CHD1L: variants seen among roughly 807,000 people sequenced by gnomAD.
The protein encoded by CHD1L is chromodomain helicase DNA binding protein 1 like.
Under a neutral mutation model 115.9 loss-of-function variants are expected in CHD1L, and 118 were observed. The ratio of observed to expected loss-of-function variants is 1.02; its 90% CI spans 0.88 to 1.19. The LOEUF is 1.19. Among genes scored for constraint, CHD1L ranks in the 50% most tolerant of loss-of-function variants. The pLI, the probability that CHD1L is intolerant of heterozygous loss-of-function variation, is 0.00. For synonymous variants in CHD1L, 411 were observed against 387.1 expected, an observed-to-expected ratio of 1.06 and a Z score of -0.72; for missense variants, 1,179 against 1,065.3, an observed-to-expected ratio of 1.11 and a Z score of -1.49.
intron 12 of CHD1L, among the ~76,000 whole-genome samples, chr1:147,274,546 T>C (rs1342601338): frequency 6.6e-6 from 1 of 152,178 alleles, no homozygotes; most frequent in Non-Finnish European, 1.5e-5. Context: ...CTAACGACCC[T>C]GGCAAGAGGG....
At chr1:147,212,724 C>T in the CHD1L span, among the ~76,000 whole-genome samples, 1 of 152,000 alleles carries the variant, frequency 6.6e-6, no homozygotes, top group Non-Finnish European at 1.5e-5. Flanking sequence ...AGAGTAGTAC[C>T]TTGTGATTTC....
chr1:147,190,396 A>T, the CHD1L span: 28 of 563,520 alleles, frequency 5.0e-5, no homozygotes, highest in Non-Finnish European at 7.8e-5. Flanking sequence ...TGATCACCTT[A>T]CCACCACCAC....
chr1:147,259,107 A>T (rs921393475), intron 5 of CHD1L: 1 of 152,168 alleles, frequency 6.6e-6, no homozygotes, highest in African/African-American at 2.4e-5. Context: ...ACATTCCCAC[A>T]TATATCTTTT....
the CHD1L span, chr1:147,212,290 C>A: frequency 8.4e-7 from 1 of 1,196,700 alleles, no homozygotes; most frequent in Non-Finnish European, 1.2e-6. Context: ...CACTGAAGGG[C>A]TATGTGCAGG....
the CHD1L span, among the ~76,000 whole-genome samples, chr1:147,218,478 C>T: frequency 1.3e-5 from 2 of 151,902 alleles, no homozygotes; most frequent in East Asian, 1.9e-4. Flanking sequence ...CCTCGTGATC[C>T]GCCCGCCTCA....
intron 10 of CHD1L, among the ~76,000 whole-genome samples, chr1:147,270,324 CCT>C (rs1165921598): frequency 2.6e-5 from 4 of 152,180 alleles, no homozygotes; most frequent in Non-Finnish European, 4.4e-5. Flanking sequence ...TTTCTTCCCT[CCT>C]CTCGCTATAC....
At chr1:147,255,288 C>T (rs1669720529) in intron 3 of CHD1L, among the ~76,000 whole-genome samples, 1 of 152,174 alleles carries the variant, frequency 6.6e-6, no homozygotes, top group African/African-American at 2.4e-5. Context: ...AGTGCAATGG[C>T]ACGATCTTGG....
chr1:147,257,713 G>A (rs1553941296), intron 5 of CHD1L, among the ~76,000 whole-genome samples: 1 of 152,084 alleles, frequency 6.6e-6, no homozygotes, highest in African/African-American at 2.4e-5. Context: ...AACCCCACGA[G>A]GCAGCTATTA....
Position 147,291,532 on chromosome 1 carries a change from A to G in CHD1L, c.2371A>G (p.Arg791Gly), listed in dbSNP as rs782587273. 1.2e-6 allele frequency: 2 copies of G among 1,613,980 alleles called. No homozygotes were observed. Among genetic ancestry groups the G allele is most frequent in the East Asian group, 4.5e-5 (2 of 44,870 alleles). The change falls in exon 20 of 23, where the codon AGA becomes GGA. Residue 791 changes from arginine to glycine, a missense_variant. Arg to Gly is a moderately radical substitution (Grantham distance 125). Transcript: ENST00000369258. ...LLFPVDDKES[R>G]NKGQDLLALI... ...ATTTCCTGTTGATGATAAAGAATCA[A>G]GAAACAAAGGGCAAGATTTGGTAAG...
chr1:147,254,319 A>G (rs994736319), intron 2 of CHD1L, among the ~76,000 whole-genome samples: 8 of 148,586 alleles, frequency 5.4e-5, no homozygotes, highest in Non-Finnish European at 1.1e-4. Context: ...CTGTTGTATA[A>G]CTGGAGCATA....
the CHD1L span, chr1:147,204,185 A>G: frequency 1.5e-6 from 2 of 1,358,608 alleles, no homozygotes; most frequent in East Asian, 4.6e-5. Context: ...AGTTTCTGTT[A>G]TCATGCCATC....
At chr1:147,215,797 A>G in the CHD1L span, 21 of 1,612,750 alleles carry the variant, frequency 1.3e-5, no homozygotes, top group Non-Finnish European at 1.6e-5. Flanking sequence ...TTTGGCATAC[A>G]TCCTGAAATA....
At chr1:147,231,801 G>A in the CHD1L span, among the ~76,000 whole-genome samples, 72,484 of 151,872 alleles carry the variant, frequency 0.48, 18,771 homozygotes, top group East Asian at 0.71. Flanking sequence ...TAGGGTGGGA[G>A]TGACCCAATT....
chr1:147,237,258 G>A, the CHD1L span, among the ~76,000 whole-genome samples: 1 of 152,206 alleles, frequency 6.6e-6, no homozygotes, highest in Non-Finnish European at 1.5e-5. Context: ...CAGGAATGGG[G>A]TGGGAGGTCT....
intron 13 of CHD1L, 41 bp from the exon 14 acceptor site, chr1:147,276,063 A>T: frequency 1.9e-6 from 3 of 1,591,610 alleles, no homozygotes; most frequent in Non-Finnish European, 2.6e-6. Flanking sequence ...CCAGCTTTGC[A>T]CACCCTTATA....
At chr1:147,194,237 A>T in the CHD1L span, among the ~76,000 whole-genome samples, 2 of 152,138 alleles carry the variant, frequency 1.3e-5, no homozygotes, top group African/African-American at 4.8e-5. Context: ...CTTCTTGTTG[A>T]ATTGATCCCT....
intron 1 of CHD1L, among the ~76,000 whole-genome samples, chr1:147,250,003 C>T (rs1553935615): frequency 6.6e-6 from 1 of 152,072 alleles, no homozygotes; most frequent in Non-Finnish European, 1.5e-5. Flanking sequence ...TTGATCCCAT[C>T]AACAGCATCA....
At chr1:147,228,725 C>T in the CHD1L span, among the ~76,000 whole-genome samples, 1 of 152,176 alleles carries the variant, frequency 6.6e-6, no homozygotes, top group Non-Finnish European at 1.5e-5. Context: ...GATGGTATCT[C>T]ATTGTGGTTT....
chr1:147,227,203 T>G, the CHD1L span, among the ~76,000 whole-genome samples: 1 of 152,348 alleles, frequency 6.6e-6, no homozygotes, highest in South Asian at 2.1e-4. Flanking sequence ...TAAAATAGTA[T>G]CTTTTAAAAA....
Sources: allele counts gnomAD v4.1 joint callset (sites outside exome capture counted in the v4.1 genomes callset), GRCh38; gene constraint gnomAD v4.1.1; transcripts MANE v1.5; gene names NCBI Gene and HGNC (gene_info 2026-07-23, HGNC 2026-07-21).